Variants in PLCB4 observed in about 807,000 individuals in gnomAD.
The protein encoded by PLCB4 is 1-phosphatidylinositol 4,5-bisphosphate phosphodiesterase beta-4.
PLCB4 carries 77 observed loss-of-function variants against 178.8 expected under a neutral mutation model. That is an observed-to-expected ratio of 0.43 (90% CI 0.36 to 0.52). The LOEUF is 0.52. Among genes scored for constraint, PLCB4 ranks in the 20% least tolerant of loss-of-function variants. The pLI is 0.00. For missense variants in PLCB4, 1,024 were observed against 1,453.4 expected (o/e 0.70, Z 4.80); for synonymous variants, 496 against 490.8 (o/e 1.01, Z -0.14).
intron 4 of PLCB4, among the ~76,000 whole-genome samples, chr20:9,330,761 G>C (rs777709529): frequency 2.0e-5 from 3 of 152,200 alleles, no homozygotes; most frequent in Non-Finnish European, 4.4e-5. Flanking sequence ...CATGGTGAAC[G>C]TATTGGGCAG....
chr20:9,319,171 G>A lies in PLCB4; in HGVS notation c.84+11273G>A, dbSNP rs139704956. Among the ~76,000 whole-genome samples, 154 of 152,296 alleles carry A rather than the reference G, an allele frequency of 1.0e-3. 3 individuals are homozygous for A. The East Asian group carries it at 0.02, about 19-fold the overall frequency. On this transcript the variant is annotated intron_variant, in intron 4 of 39. Transcript: ENST00000378473. Reference sequence around the variant, plus strand: ...AATGAACAGTCAGATGAAATATACAGCACATGTTAAAATGAATTCTTTTTT... The same window carrying A: ...AATGAACAGTCAGATGAAATATACAACACATGTTAAAATGAATTCTTTTTT...
intron 32 of PLCB4, among the ~76,000 whole-genome samples, chr20:9,450,676 T>C (rs1369424703): frequency 6.9e-6 from 1 of 145,214 alleles, no homozygotes; most frequent in Admixed American, 6.9e-5. Context: ...TTTTTTTTTT[T>C]TTGAGATGGA....
chr20:9,149,164 ACATGTGTCTCTTC>A (rs1332769042), intron 2 of PLCB4, among the ~76,000 whole-genome samples: 10 of 152,232 alleles, frequency 6.6e-5, no homozygotes, highest in Admixed American at 2.0e-4. Flanking sequence ...CTCTAGGAAC[ACATGTGTCTCTTC>A]CATGTGTCTC....
At chr20:9,263,796 A>G (rs2094321422) in intron 3 of PLCB4, among the ~76,000 whole-genome samples, 1 of 152,202 alleles carries the variant, frequency 6.6e-6, no homozygotes, top group South Asian at 2.1e-4. Context: ...AGAGAAAGAT[A>G]GTTTTTGTGT....
intron 7 of PLCB4, among the ~76,000 whole-genome samples, chr20:9,358,553 A>G (rs999234503): frequency 6.6e-6 from 1 of 152,202 alleles, no homozygotes; most frequent in Non-Finnish European, 1.5e-5. Context: ...TAATAGGACT[A>G]GTTATTTTAG....
chr20:9,181,324 G>T (rs1161085258), intron 2 of PLCB4, among the ~76,000 whole-genome samples: 1 of 152,108 alleles, frequency 6.6e-6, no homozygotes, highest in Non-Finnish European at 1.5e-5. Context: ...TTGCCATATT[G>T]ATCACTGTTA....
At chr20:9,113,641 G>T (rs991442158) in intron 2 of PLCB4, among the ~76,000 whole-genome samples, 1 of 152,050 alleles carries the variant, frequency 6.6e-6, no homozygotes, top group Admixed American at 6.5e-5. Flanking sequence ...AATTTTATTT[G>T]TGTTTTAATA....
intron 7 of PLCB4, among the ~76,000 whole-genome samples, chr20:9,353,419 C>A (rs992978127): frequency 1.3e-5 from 2 of 152,192 alleles, no homozygotes; most frequent in Non-Finnish European, 2.9e-5. Context: ...TTAGTACCTG[C>A]ACTTGTCTGT....
intron 3 of PLCB4, among the ~76,000 whole-genome samples, chr20:9,278,381 A>G (rs907819526): frequency 6.6e-6 from 1 of 152,074 alleles, no homozygotes; most frequent in Non-Finnish European, 1.5e-5. Flanking sequence ...ACAGCACTGC[A>G]TATAAGAGTG....
intron 28 of PLCB4, among the ~76,000 whole-genome samples, chr20:9,431,652 GT>G (rs1234826400): frequency 5.3e-5 from 3 of 56,218 alleles, no homozygotes; most frequent in African/African-American, 3.3e-4. Context: ...GTGTGTGTTT[GT>G]GTGTGTGTGT....
At chr20:9,157,814 C>G (rs995211874) in intron 2 of PLCB4, among the ~76,000 whole-genome samples, 1 of 152,056 alleles carries the variant, frequency 6.6e-6, no homozygotes, top group Admixed American at 6.6e-5. Flanking sequence ...GGTGCGTGGT[C>G]CTAGCTATTT....
intron 1 of PLCB4, among the ~76,000 whole-genome samples, chr20:9,078,743 T>C (rs1196618665): frequency 9.9e-5 from 15 of 152,188 alleles, no homozygotes; most frequent in Admixed American, 3.3e-4. Context: ...CTAACTGTGT[T>C]CAGAAGGGAC....
At chr20:9,279,669 A>C (rs1305937904) in intron 3 of PLCB4, among the ~76,000 whole-genome samples, 4 of 152,038 alleles carry the variant, frequency 2.6e-5, no homozygotes, top group African/African-American at 9.7e-5. Flanking sequence ...ATTATTTTTT[A>C]AATCCAAGTA....
chr20:9,091,423 T>C (rs2090673980), intron 1 of PLCB4, among the ~76,000 whole-genome samples: 1 of 152,056 alleles, frequency 6.6e-6, no homozygotes, highest in South Asian at 2.1e-4. Context: ...GAATGTTCCC[T>C]CAGCTAATGT....
intron 7 of PLCB4, among the ~76,000 whole-genome samples, chr20:9,355,939 C>T (rs957039439): frequency 1.3e-5 from 2 of 152,212 alleles, no homozygotes; most frequent in South Asian, 2.1e-4. Context: ...CCCACCCCTC[C>T]ACATCCTCTC....
chr20:9,406,596 C>T (rs1008497225), intron 21 of PLCB4, among the ~76,000 whole-genome samples: 6 of 151,706 alleles, frequency 4.0e-5, no homozygotes, highest in Non-Finnish European at 2.9e-5. Context: ...TCACTTCATT[C>T]GCCATTCTCC....
At chr20:9,195,966 T>C (rs969117196) in intron 2 of PLCB4, among the ~76,000 whole-genome samples, 1 of 152,166 alleles carries the variant, frequency 6.6e-6, no homozygotes, top group African/African-American at 2.4e-5. Context: ...AAAGTTAGCC[T>C]GAAAATTTTT....
At chr20:9,096,691 A>G (rs2090923129) in intron 2 of PLCB4, among the ~76,000 whole-genome samples, 1 of 152,150 alleles carries the variant, frequency 6.6e-6, no homozygotes, top group Non-Finnish European at 1.5e-5. Flanking sequence ...TTTCTAGGAA[A>G]CCAAGACAGT....
chr20:9,170,353 G>GA (rs2093043423), intron 2 of PLCB4, among the ~76,000 whole-genome samples: 1 of 152,178 alleles, frequency 6.6e-6, no homozygotes, highest in Admixed American at 6.5e-5. Context: ...TTTAACAAGA[G>GA]TAGCTTAGAT....
Sources: allele counts gnomAD v4.1 joint callset (sites outside exome capture counted in the v4.1 genomes callset), GRCh38; gene constraint gnomAD v4.1.1; transcripts MANE v1.5; gene names NCBI Gene and HGNC (gene_info 2026-07-23, HGNC 2026-07-21).